Variants in DLGAP1 observed in about 807,000 individuals in gnomAD.
DLGAP1 encodes DLG associated protein 1.
Under a neutral mutation model 90.8 loss-of-function variants are expected in DLGAP1, and 11 were observed. The ratio of observed to expected loss-of-function variants is 0.12; its 90% CI spans 0.08 to 0.20. DLGAP1 has a LOEUF of 0.20. Among genes scored for constraint, DLGAP1 ranks in the 10% least tolerant of loss-of-function variants. DLGAP1 has a pLI of 1.00. For synonymous variants in DLGAP1, 558 were observed against 540.7 expected, an observed-to-expected ratio of 1.03 and a Z score of -0.44; for missense variants, 1,050 against 1,333.8, an observed-to-expected ratio of 0.79 and a Z score of 3.31.
At chr18:3,725,802 C>T (rs935963854) in intron 7 of DLGAP1, among the ~76,000 whole-genome samples, 2 of 152,170 alleles carry the variant, frequency 1.3e-5, no homozygotes, top group Non-Finnish European at 2.9e-5. Flanking sequence ...TCCTGATTTG[C>T]TGAGGTATCT....
At chr18:4,330,440 TC>T (rs1227672008) in intron 1 of DLGAP1, among the ~76,000 whole-genome samples, 1 of 151,852 alleles carries the variant, frequency 6.6e-6, no homozygotes, top group African/African-American at 2.4e-5. Flanking sequence ...CCATATAGTC[TC>T]TTTAGACAGA....
chr18:3,863,513 G>T (rs11663192), intron 4 of DLGAP1, among the ~76,000 whole-genome samples: 15,506 of 152,208 alleles, frequency 0.1, 930 homozygotes, highest in Admixed American at 0.17. Context: ...TAACTAGCTA[G>T]CTCTGCTCTT....
intron 4 of DLGAP1, among the ~76,000 whole-genome samples, chr18:3,843,829 C>T (rs1484980402): frequency 6.6e-6 from 1 of 152,054 alleles, no homozygotes; most frequent in Non-Finnish European, 1.5e-5. Flanking sequence ...TTCCACATTC[C>T]TACTTCTTGA....
chr18:4,050,785 G>T (rs1041482769), intron 2 of DLGAP1, among the ~76,000 whole-genome samples: 1 of 152,234 alleles, frequency 6.6e-6, no homozygotes, highest in African/African-American at 2.4e-5. Flanking sequence ...GAGGTAGAAA[G>T]ATGAAATCAC....
chr18:4,379,409 G>C (rs1052247075), intron 1 of DLGAP1, among the ~76,000 whole-genome samples: 4 of 152,084 alleles, frequency 2.6e-5, no homozygotes, highest in African/African-American at 9.7e-5. Flanking sequence ...TAATTTGACA[G>C]GCTTTCTGTG....
At chr18:4,405,822 G>A (rs8091669) in intron 1 of DLGAP1, among the ~76,000 whole-genome samples, 9 of 152,142 alleles carry the variant, frequency 5.9e-5, no homozygotes, top group East Asian at 3.9e-4. Context: ...ACTTGCTACC[G>A]GGGGAAGGTT....
chr18:3,637,574 CAAAAAA>C (rs35620201), intron 7 of DLGAP1, among the ~76,000 whole-genome samples: 17 of 94,948 alleles, frequency 1.8e-4, no homozygotes, highest in Admixed American at 7.2e-4. Context: ...TCTCCCCCAC[CAAAAAA>C]AAAAAAAAAA....
chr18:4,115,495 T>TTTC (rs1210396884), intron 2 of DLGAP1, among the ~76,000 whole-genome samples: 2 of 151,006 alleles, frequency 1.3e-5, no homozygotes, highest in African/African-American at 4.9e-5. Flanking sequence ...TCTTTCTTTC[T>TTTC]TTTTTTTTGA....
chr18:3,668,368 A>G (rs966113456), intron 7 of DLGAP1, among the ~76,000 whole-genome samples: 4 of 152,116 alleles, frequency 2.6e-5, no homozygotes, highest in African/African-American at 9.7e-5. Context: ...GCTGGAGTGC[A>G]GTGGTGTGAT....
chr18:3,832,846 G>C (rs914600103), intron 4 of DLGAP1, among the ~76,000 whole-genome samples: 2 of 152,078 alleles, frequency 1.3e-5, no homozygotes, highest in African/African-American at 4.8e-5. Context: ...GTGGAAAACG[G>C]GAGGCAGCTT....
At position 3,879,093 on chromosome 18, in the gene DLGAP1, T is replaced by A. The variant is rs2148824110; in HGVS notation, c.957+19A>T. ...GCCAGGTACTACTTCTAAGCCTCCATCATTGACAGAAATGGTACCTGCAGG... is the reference window on the plus strand; with the variant it reads ...GCCAGGTACTACTTCTAAGCCTCCAACATTGACAGAAATGGTACCTGCAGG... On this transcript the variant is annotated intron_variant, in intron 4 of 12. Coordinates refer to ENST00000315677, the MANE Select transcript of DLGAP1 (RefSeq NM_004746.4). The surrounding 1 kb of genome is among the most constrained non-coding windows in gnomAD (Gnocchi z 6.6). 6.7e-7 allele frequency: 1 copy of A among 1,483,770 alleles called. No individual in the cohort carries two copies. The highest frequency in any genetic ancestry group is 1.8e-4 in the Middle Eastern group (1 of 5,518). 91.9% of individuals were successfully genotyped at this position (1,483,770 alleles called of 1,614,324 possible). A position where few individuals can be genotyped will look rare whatever the true frequency, so the allele number is the denominator to read the frequency against.
chr18:3,960,356 C>T (rs891386898), intron 3 of DLGAP1, among the ~76,000 whole-genome samples: 2 of 152,050 alleles, frequency 1.3e-5, no homozygotes, highest in African/African-American at 2.4e-5. Flanking sequence ...GGGAAGCCAG[C>T]GGTTCCCACA....
chr18:3,834,734 C>T (rs2068272371), intron 4 of DLGAP1, among the ~76,000 whole-genome samples: 1 of 152,128 alleles, frequency 6.6e-6, no homozygotes, highest in Non-Finnish European at 1.5e-5. Context: ...GGGGAGGGAG[C>T]TTTTACTTTT....
intron 1 of DLGAP1, among the ~76,000 whole-genome samples, chr18:4,347,032 A>T (rs2081313386): frequency 6.6e-6 from 1 of 152,110 alleles, no homozygotes; most frequent in Non-Finnish European, 1.5e-5. Context: ...AGCTATTGAA[A>T]AAAAGATAAA....
chr18:4,280,043 T>C (rs1957687254), intron 1 of DLGAP1, among the ~76,000 whole-genome samples: 1 of 152,196 alleles, frequency 6.6e-6, no homozygotes, highest in East Asian at 1.9e-4. Context: ...ACTAACATTT[T>C]TCTGACATTT....
intron 5 of DLGAP1, among the ~76,000 whole-genome samples, chr18:3,755,641 C>A (rs569858501): frequency 1.3e-5 from 2 of 152,268 alleles, no homozygotes; most frequent in Admixed American, 1.3e-4. Flanking sequence ...TAAACATATG[C>A]ACCTAACAAT....
intron 2 of DLGAP1, among the ~76,000 whole-genome samples, chr18:4,040,095 C>T (rs1054486256): frequency 4.6e-5 from 7 of 152,088 alleles, no homozygotes; most frequent in Non-Finnish European, 8.8e-5. Flanking sequence ...AATAATATGC[C>T]TTGCAGAACA....
At chr18:3,824,968 C>T (rs2067629660) in intron 4 of DLGAP1, among the ~76,000 whole-genome samples, 1 of 152,144 alleles carries the variant, frequency 6.6e-6, no homozygotes, top group Non-Finnish European at 1.5e-5. Flanking sequence ...TTCAAAATTC[C>T]ACTTTCATAA....
chr18:4,266,699 T>C (rs1252944684), intron 1 of DLGAP1, among the ~76,000 whole-genome samples: 1 of 152,216 alleles, frequency 6.6e-6, no homozygotes, highest in East Asian at 1.9e-4. Context: ...AAGTCAAAAC[T>C]AAAAGCTCAA....
Sources: gnomAD v4.1 joint callset for allele counts (sites outside exome capture counted in the v4.1 genomes callset) on GRCh38, gnomAD v4.1.1 for gene constraint, Gnocchi (gnomAD v3.1) non-coding constraint, MANE v1.5 for transcripts, NCBI Gene and HGNC (gene_info 2026-07-23, HGNC 2026-07-21) for gene names.